Variants in CTNND2 observed in about 807,000 individuals in gnomAD.
The protein encoded by CTNND2 is catenin delta 2.
Under a neutral mutation model 144.4 loss-of-function variants are expected in CTNND2, and 22 were observed. The ratio of observed to expected loss-of-function variants is 0.15; its 90% CI spans 0.11 to 0.22. The LOEUF (loss-of-function observed/expected upper bound fraction) is 0.22. CTNND2 is among the 10% of genes least tolerant of loss of function. The probability of loss-of-function intolerance (pLI) is 1.00; values close to 1 mark genes in which losing one functional copy is unlikely to be tolerated. For synonymous variants in CTNND2, 751 were observed against 695.6 expected (o/e 1.08, Z -1.25); for missense variants, 1,353 against 1,618.8 (o/e 0.84, Z 2.82).
intron 16 of CTNND2, among the ~76,000 whole-genome samples, chr5:11,052,782 A>G (rs2149584505): frequency 6.6e-6 from 1 of 152,062 alleles, no homozygotes; most frequent in South Asian, 2.1e-4. Flanking sequence ...CCACTTTTTC[A>G]CTAGAAACTC....
intron 2 of CTNND2, among the ~76,000 whole-genome samples, chr5:11,578,554 G>C (rs1778145991): frequency 6.6e-6 from 1 of 152,048 alleles, no homozygotes; most frequent in Non-Finnish European, 1.5e-5. Flanking sequence ...CCAGCTTCTT[G>C]GGAGGCTGAG....
intron 16 of CTNND2, among the ~76,000 whole-genome samples, chr5:11,047,869 G>T (rs543866746): frequency 6.6e-6 from 1 of 152,270 alleles, no homozygotes; most frequent in East Asian, 1.9e-4. Context: ...TTGTAAATAT[G>T]CTCCAGGAGA....
chr5:11,498,700 G>A (rs559633342), intron 3 of CTNND2, among the ~76,000 whole-genome samples: 4 of 152,108 alleles, frequency 2.6e-5, no homozygotes, highest in Admixed American at 6.5e-5. Context: ...GGCCCTTCGC[G>A]TATAGCTAGA....
At chr5:11,629,547 C>G (rs185198205) in intron 2 of CTNND2, among the ~76,000 whole-genome samples, 1 of 152,114 alleles carries the variant, frequency 6.6e-6, no homozygotes, top group African/African-American at 2.4e-5. Flanking sequence ...GGAGAGATCA[C>G]GACATAAACA....
At chr5:11,240,138 C>T (rs1453972770) in intron 9 of CTNND2, among the ~76,000 whole-genome samples, 1 of 149,258 alleles carries the variant, frequency 6.7e-6, no homozygotes, top group Non-Finnish European at 1.5e-5. Context: ...AACACACACA[C>T]CCAACACACA....
intron 15 of CTNND2, among the ~76,000 whole-genome samples, chr5:11,087,290 T>C (rs1282704347): frequency 1.3e-5 from 2 of 152,222 alleles, no homozygotes; most frequent in African/African-American, 4.8e-5. Context: ...AAACACCTCC[T>C]GCACTGAAAA....
chr5:11,250,485 CTCTCTCTA>C (rs1205005051), intron 9 of CTNND2, among the ~76,000 whole-genome samples: 185 of 67,820 alleles, frequency 2.7e-3, no homozygotes, highest in South Asian at 0.011. Flanking sequence ...CTCTCTCTCT[CTCTCTCTA>C]TATATATATA....
chr5:11,480,677 A>G lies in CTNND2; in HGVS notation c.288-68608T>C, dbSNP rs549059286. Among the ~76,000 whole-genome samples, 9 of 78,436 alleles carry G rather than the reference A, an allele frequency of 1.1e-4. No homozygotes were observed. In the South Asian group the frequency reaches 3.7e-3, roughly 32 times the overall value. 51.5% of individuals were successfully genotyped at this position (78,436 alleles called of 152,430 possible). ...GTGTGTGTGTGTGTGTGTGTGTGTAAGTGCATATAATTAGAGGTTATAATA... is the reference window on the plus strand; with the variant it reads ...GTGTGTGTGTGTGTGTGTGTGTGTAGGTGCATATAATTAGAGGTTATAATA... On this transcript the variant is annotated intron_variant, in intron 3 of 21. Transcript: ENST00000304623.
intron 3 of CTNND2, among the ~76,000 whole-genome samples, chr5:11,519,330 T>C (rs1324350053): frequency 2.0e-5 from 3 of 152,206 alleles, no homozygotes; most frequent in Non-Finnish European, 2.9e-5. Flanking sequence ...TTCATTGAAA[T>C]TGACTTTGCT....
At chr5:11,029,163 C>A (rs747013191) in intron 16 of CTNND2, among the ~76,000 whole-genome samples, 6 of 152,164 alleles carry the variant, frequency 3.9e-5, no homozygotes, top group Non-Finnish European at 8.8e-5. Flanking sequence ...TACTTTCAAT[C>A]TATTTCTGTC....
At chr5:11,553,402 T>C (rs1460773659) in intron 3 of CTNND2, among the ~76,000 whole-genome samples, 9 of 152,180 alleles carry the variant, frequency 5.9e-5, no homozygotes, top group Non-Finnish European at 1.2e-4. Context: ...GTAGAAAAAT[T>C]AGAAAAGAGA....
At chr5:11,594,994 G>A (rs1053739471) in intron 2 of CTNND2, among the ~76,000 whole-genome samples, 10 of 152,046 alleles carry the variant, frequency 6.6e-5, no homozygotes, top group Non-Finnish European at 1.2e-4. Context: ...CCTTCCAGAC[G>A]CTAAGGTATA....
intron 1 of CTNND2, among the ~76,000 whole-genome samples, chr5:11,784,301 G>GA (rs1433755836): frequency 7.2e-5 from 11 of 152,196 alleles, no homozygotes; most frequent in African/African-American, 2.2e-4. Flanking sequence ...AAATTCTTGT[G>GA]AAAAATAACT....
intron 16 of CTNND2, among the ~76,000 whole-genome samples, chr5:11,061,681 T>C (rs945238482): frequency 1.3e-5 from 2 of 152,228 alleles, no homozygotes; most frequent in Admixed American, 6.5e-5. Flanking sequence ...ATTTTACTCA[T>C]GTCTGAAGTG....
At chr5:11,250,081 A>G (rs535549248) in intron 9 of CTNND2, among the ~76,000 whole-genome samples, 14 of 152,274 alleles carry the variant, frequency 9.2e-5, no homozygotes, top group African/African-American at 2.6e-4. Context: ...TAAAACTTTT[A>G]ACTTACCTCC....
At chr5:11,000,425 G>A (rs1739826267) in intron 18 of CTNND2, among the ~76,000 whole-genome samples, 1 of 152,216 alleles carries the variant, frequency 6.6e-6, no homozygotes, top group Non-Finnish European at 1.5e-5. Flanking sequence ...GGAGGCTGAG[G>A]CAGGAGAATC....
intron 2 of CTNND2, among the ~76,000 whole-genome samples, chr5:11,693,898 T>C (rs961761288): frequency 6.6e-6 from 1 of 152,264 alleles, no homozygotes; most frequent in African/African-American, 2.4e-5. Context: ...TTTCATCAAC[T>C]AATTAATGCA....
intron 2 of CTNND2, among the ~76,000 whole-genome samples, chr5:11,665,624 A>G (rs1180563547): frequency 6.6e-6 from 1 of 152,204 alleles, no homozygotes; most frequent in African/African-American, 2.4e-5. Context: ...GGAGTTTTCC[A>G]GAATGACAGA....
intron 2 of CTNND2, among the ~76,000 whole-genome samples, chr5:11,589,282 A>AACAC (rs34009518): frequency 0.087 from 12,695 of 146,616 alleles, 713 homozygotes; most frequent in African/African-American, 0.16. Flanking sequence ...TTAACATTAA[A>AACAC]ACACACACAC....
Sources: allele counts gnomAD v4.1 joint callset (sites outside exome capture counted in the v4.1 genomes callset), GRCh38; gene constraint gnomAD v4.1.1; transcripts MANE v1.5; gene names NCBI Gene and HGNC (gene_info 2026-07-23, HGNC 2026-07-21).